The following RARB variants were observed in gnomAD, a reference collection of about 807,000 sequenced individuals.
RARB encodes HBV-activated protein.
Under a neutral mutation model 51.9 loss-of-function variants are expected in RARB, and 17 were observed. The ratio of observed to expected loss-of-function variants is 0.33; its 90% CI spans 0.22 to 0.49. The LOEUF is 0.49. Among genes scored for constraint, RARB ranks in the 20% least tolerant of loss-of-function variants. RARB has a pLI of 0.99. For synonymous variants in RARB, 215 were observed against 195.4 expected, an observed-to-expected ratio of 1.10 and a Z score of -0.84; for missense variants, 369 against 550.8, an observed-to-expected ratio of 0.67 and a Z score of 3.30.
intron 5 of RARB, among the ~76,000 whole-genome samples, chr3:25,383,057 C>G (rs139007908): frequency 0.011 from 1,659 of 152,260 alleles, 23 homozygotes; most frequent in Middle Eastern, 0.037. Context: ...AATAATGTCC[C>G]AAAGGTATGC....
At chr3:25,294,960 T>C (rs1438423979) in intron 5 of RARB, among the ~76,000 whole-genome samples, 1 of 152,184 alleles carries the variant, frequency 6.6e-6, no homozygotes, top group African/African-American at 2.4e-5. Flanking sequence ...CCCTTTACTA[T>C]GTGATTAGTC....
chr3:25,010,287 T>A (rs1697366361), intron 2 of RARB, among the ~76,000 whole-genome samples: 1 of 152,102 alleles, frequency 6.6e-6, no homozygotes, highest in African/African-American at 2.4e-5. Flanking sequence ...CCGTTCTCTG[T>A]AATGTTTAAA....
intron 5 of RARB, among the ~76,000 whole-genome samples, chr3:25,281,319 C>T (rs1703516211): frequency 6.6e-6 from 1 of 152,124 alleles, no homozygotes; most frequent in South Asian, 2.1e-4. Flanking sequence ...GACTTTCATT[C>T]CACAATGAAG....
Position 25,442,205 on chromosome 3 carries a change from G to A in RARB, c.157+13317G>A, listed in dbSNP as rs548894288. The stretch of plus-strand genomic sequence containing the variant: ...GGCTGGAGTGCAGTGGTGCTATCTC[G>A]GCTCACTGCAACCTCCGCCTCCCGT... On this transcript the variant is annotated intron_variant, in intron 1 of 7. Coordinates refer to ENST00000330688, the MANE Select transcript of RARB (RefSeq NM_000965.5). Among the ~76,000 whole-genome samples, 53 of 151,616 alleles carry A rather than the reference G, an allele frequency of 3.5e-4. 1 individual carries two copies. The East Asian group carries it at 7.6e-3, about 22-fold the overall frequency.
At chr3:24,970,353 G>A (rs1256492991) in intron 2 of RARB, among the ~76,000 whole-genome samples, 2 of 151,960 alleles carry the variant, frequency 1.3e-5, no homozygotes, top group East Asian at 1.9e-4. Flanking sequence ...AGCTTCCTCT[G>A]GAATGTGGTG....
chr3:25,106,639 C>A (rs1049485546), intron 3 of RARB, among the ~76,000 whole-genome samples: 5 of 114,684 alleles, frequency 4.4e-5, no homozygotes, highest in Non-Finnish European at 7.1e-5. Context: ...TGAATCAATC[C>A]CTTAGGCTGC....
chr3:24,973,068 G>T (rs568751663), intron 2 of RARB, among the ~76,000 whole-genome samples: 2 of 152,084 alleles, frequency 1.3e-5, no homozygotes, highest in African/African-American at 4.8e-5. Context: ...ACGTCCTGAA[G>T]CATTTCCCCA....
chr3:25,134,629 C>G (rs1575176060), intron 4 of RARB, among the ~76,000 whole-genome samples: 1 of 151,840 alleles, frequency 6.6e-6, no homozygotes, highest in Non-Finnish European at 1.5e-5. Context: ...TTTTTTAGTT[C>G]CCTGAAAACT....
intron 2 of RARB, among the ~76,000 whole-genome samples, chr3:24,980,866 G>A (rs2125425565): frequency 6.6e-6 from 1 of 152,284 alleles, no homozygotes; most frequent in Middle Eastern, 3.4e-3. Flanking sequence ...GGAATTTTCA[G>A]CCTTTCTGCT....
chr3:25,188,319 A>G (rs540286809), intron 5 of RARB, among the ~76,000 whole-genome samples: 1 of 152,258 alleles, frequency 6.6e-6, no homozygotes, highest in African/African-American at 2.4e-5. Flanking sequence ...TGTTTGTTGT[A>G]TAAATAAATG....
chr3:25,203,631 T>A (rs1246216193), intron 5 of RARB, among the ~76,000 whole-genome samples: 1 of 152,196 alleles, frequency 6.6e-6, no homozygotes, highest in Non-Finnish European at 1.5e-5. Context: ...GGCCTGGTGG[T>A]GACAAAATCT....
At chr3:25,130,650 T>A (rs1191544383) in intron 3 of RARB, among the ~76,000 whole-genome samples, 1 of 151,894 alleles carries the variant, frequency 6.6e-6, no homozygotes, top group East Asian at 1.9e-4. Flanking sequence ...TGGGGGAATT[T>A]GCCTTCTGTG....
chr3:24,999,110 G>C (rs12497737), intron 2 of RARB, among the ~76,000 whole-genome samples: 35,358 of 151,956 alleles, frequency 0.23, 5,122 homozygotes, highest in Admixed American at 0.37. Flanking sequence ...GCTTCTTCAG[G>C]CTTTTCTGTT....
At chr3:25,030,483 A>G (rs1212808798) in intron 2 of RARB, among the ~76,000 whole-genome samples, 1 of 152,242 alleles carries the variant, frequency 6.6e-6, no homozygotes, top group East Asian at 1.9e-4. Flanking sequence ...GTGATGTCAA[A>G]GATGTTTAAA....
At chr3:25,460,853 C>T (rs1047476669) in intron 1 of RARB, among the ~76,000 whole-genome samples, 1 of 152,160 alleles carries the variant, frequency 6.6e-6, no homozygotes, top group African/African-American at 2.4e-5. Context: ...CTTGGCTCTA[C>T]CACTGCTCTG....
intron 5 of RARB, among the ~76,000 whole-genome samples, chr3:25,378,019 A>G (rs1706515605): frequency 6.6e-6 from 1 of 152,188 alleles, no homozygotes. Flanking sequence ...AAGTGTAGCA[A>G]TTTAGATGAA....
At chr3:24,965,190 C>A (rs1295005694) in intron 2 of RARB, among the ~76,000 whole-genome samples, 1 of 151,984 alleles carries the variant, frequency 6.6e-6, no homozygotes, top group Non-Finnish European at 1.5e-5. Context: ...TTATATTTTC[C>A]CACTTAATTT....
intron 3 of RARB, among the ~76,000 whole-genome samples, chr3:25,099,145 A>C (rs1044212957): frequency 4.5e-4 from 69 of 152,310 alleles, no homozygotes; most frequent in African/African-American, 1.6e-3. Flanking sequence ...ATAAAAGGGA[A>C]GATGGTAACA....
chr3:25,007,486 G>A (rs1293970139), intron 2 of RARB, among the ~76,000 whole-genome samples: 2 of 150,546 alleles, frequency 1.3e-5, no homozygotes, highest in South Asian at 4.2e-4. Context: ...AAATAGCTGG[G>A]CATGGTGGTG....
Sources: gnomAD v4.1 joint callset for allele counts (sites outside exome capture counted in the v4.1 genomes callset) on GRCh38, gnomAD v4.1.1 for gene constraint, MANE v1.5 for transcripts, NCBI Gene and HGNC (gene_info 2026-07-23, HGNC 2026-07-21) for gene names.